EYA3: variants seen among roughly 807,000 people sequenced by gnomAD.
EYA3 encodes the protein protein phosphatase EYA3.
A neutral mutation model predicts 80.0 loss-of-function variants in EYA3; 39 were observed. The observed-to-expected ratio is 0.49, with a 90% CI of 0.38 to 0.64. The LOEUF is 0.64. Ranked by LOEUF, EYA3 falls within the 30% of genes least tolerant of loss-of-function variation. EYA3 has a pLI of 0.00. For missense variants in EYA3, 523 were observed against 676.1 expected (o/e 0.77, Z 2.51); for synonymous variants, 206 against 232.8 (o/e 0.88, Z 1.05).
intron 7 of EYA3, among the ~76,000 whole-genome samples, chr1:28,021,536 G>A (rs190169814): frequency 6.6e-6 from 1 of 151,778 alleles, no homozygotes; most frequent in Admixed American, 6.6e-5. Flanking sequence ...AGCAGGTGAT[G>A]GTCAATAAAT....
At position 28,035,569 on chromosome 1, in the gene EYA3, G is replaced by A. The variant is rs1471386108; in HGVS notation, c.336C>T (p.Thr112=). 1 of 1,614,006 alleles carries A rather than the reference G, an allele frequency of 6.2e-7. No individual in the cohort carries two copies. The highest frequency in any genetic ancestry group is 1.1e-5 in the South Asian group (1 of 91,068). Residue 112 remains threonine, a synonymous_variant, in exon 6 of 18, where the codon ACC becomes ACT. Coordinates refer to ENST00000373871, the MANE Select transcript of EYA3 (RefSeq NM_001990.4). The part of the protein sequence containing the change: ...TQPYAVYPQA[T]QTYGLPPFGA... ...CAAAAGGAGGTAGTCCATACGTTTG[G>A]GTTGCCTGAGGGTAGACAGCATAGG...
chr1:28,047,639 C>CT (rs370957666), intron 3 of EYA3, among the ~76,000 whole-genome samples: 27,031 of 133,178 alleles, frequency 0.2, 2,871 homozygotes, highest in East Asian at 0.23. Context: ...CCTCTTTTCT[C>CT]TTTTTTTTTT....
intron 17 of EYA3, among the ~76,000 whole-genome samples, chr1:27,975,661 A>G (rs1203524074): frequency 6.7e-6 from 1 of 149,384 alleles, no homozygotes; most frequent in Non-Finnish European, 1.5e-5. Flanking sequence ...AATTTTTTAC[A>G]TTTTTAGTAG....
chr1:28,017,098 G>C (rs548952687), intron 8 of EYA3, 56 bp downstream of exon 8: 12 of 1,464,372 alleles, frequency 8.2e-6, no homozygotes, highest in Non-Finnish European at 1.0e-5. Context: ...ATGGAAAGAA[G>C]AAAGAGCAAG....
At chr1:28,068,552 CTTT>C (rs935780983) in intron 1 of EYA3, among the ~76,000 whole-genome samples, 1 of 144,570 alleles carries the variant, frequency 6.9e-6, no homozygotes, top group African/African-American at 2.5e-5. Flanking sequence ...AATAACATTC[CTTT>C]TTTTTTTTTC....
chr1:28,085,804 G>A (rs1645631357), intron 1 of EYA3, among the ~76,000 whole-genome samples: 1 of 152,120 alleles, frequency 6.6e-6, no homozygotes, highest in Non-Finnish European at 1.5e-5. Flanking sequence ...TGGCAGCTAG[G>A]TGGAGGGTCA....
intron 1 of EYA3, among the ~76,000 whole-genome samples, chr1:28,073,672 G>A (rs973917811): frequency 1.3e-5 from 2 of 152,010 alleles, no homozygotes; most frequent in African/African-American, 4.8e-5. Flanking sequence ...CTGACCTCAG[G>A]TGATCCACCC....
chr1:27,974,469 G>A lies in EYA3; in HGVS notation c.1719C>T (p.Leu573=). The A allele has an allele frequency of 6.2e-7, 1 of 1,612,528 alleles. No individual in the cohort carries two copies. Among genetic ancestry groups the A allele is most frequent in the East Asian group, 2.2e-5 (1 of 44,872 alleles). Residue 573 remains leucine (L), a synonymous_variant, in exon 18 of 18, where the codon CTC becomes CTT. Coordinates refer to ENST00000373871, the MANE Select transcript of EYA3 (RefSeq NM_001990.4). ...GGAAGGCTCCTCATTCCAGTTCTTA[G>A]AGAAAATCAAGCTCTAAAGCCTGGT... ...SLHQALELDF[L]
intron 2 of EYA3, among the ~76,000 whole-genome samples, chr1:28,053,958 A>T (rs1644357985): frequency 6.6e-6 from 1 of 152,226 alleles, no homozygotes; most frequent in Admixed American, 6.5e-5. Context: ...AGTGCTAGGT[A>T]AATTGTAATC....
chr1:28,034,251 T>A (rs1029809277), intron 6 of EYA3, among the ~76,000 whole-genome samples: 31 of 152,074 alleles, frequency 2.0e-4, no homozygotes, highest in Non-Finnish European at 4.1e-4. Flanking sequence ...TCAACTGTTG[T>A]AAAGGGCTAA....
rs570546878 is a variant in EYA3 at position 28,033,700 on chromosome 1, G to A, written c.361+1844C>T. 1.2e-3 allele frequency among the ~76,000 whole-genome samples: 179 copies of A among 149,852 alleles called. 5 individuals are homozygous for A. The highest frequency in any genetic ancestry group is 4.2e-4 in the South Asian group (2 of 4,754). On this transcript the variant is annotated intron_variant, in intron 6 of 17. Coordinates refer to ENST00000373871, the MANE Select transcript of EYA3 (RefSeq NM_001990.4). ...GAGACAGTCTTGCTCTGTCGCCCAG[G>A]CTGGAGTGCAGTGGCACCATCTCGG...
chr1:28,035,999 G>A (rs1228206183), intron 5 of EYA3, among the ~76,000 whole-genome samples: 1 of 152,058 alleles, frequency 6.6e-6, no homozygotes, highest in East Asian at 1.9e-4. Flanking sequence ...ATTTTTAGTA[G>A]AGACGGTGTT....
rs115294653 is a variant in EYA3 at position 28,086,787 on chromosome 1, G to A, written c.-69+1737C>T. On this transcript the variant is annotated intron_variant, in intron 1 of 17. Coordinates refer to ENST00000373871, the MANE Select transcript of EYA3 (RefSeq NM_001990.4). ...TGGACAGAAGCTAGAGCTAGGTAGT[G>A]GGGAGGAGGTACACATAAGAAACTT... is the stretch of plus-strand genomic sequence containing the variant. 6.4e-3 allele frequency among the ~76,000 whole-genome samples: 982 copies of A among 152,258 alleles called. 3 individuals carry two copies. The highest frequency in any genetic ancestry group is 0.011 in the Non-Finnish European group (719 of 68,008).
chr1:28,025,778 G>A (rs1338019816), intron 7 of EYA3, among the ~76,000 whole-genome samples: 2 of 151,894 alleles, frequency 1.3e-5, no homozygotes, highest in African/African-American at 2.4e-5. Flanking sequence ...TTATTTTTTT[G>A]AGACAGAGTC....
chr1:27,997,363 G>A lies in EYA3; in HGVS notation c.1099C>T (p.His367Tyr). The A allele has an allele frequency of 6.2e-7, 1 of 1,614,012 alleles. No individual in the cohort carries two copies. Among genetic ancestry groups the A allele is most frequent in the Non-Finnish European group, 8.5e-7 (1 of 1,179,930 alleles). ...FNDLEECDQV[H>Y]VEDVASDDNG... Reference sequence around the variant, plus strand: ...TCATCAGAAGCCACATCTTCCACATGTACCTGGTCACACTCCTGTTAAAAG... The same window carrying A: ...TCATCAGAAGCCACATCTTCCACATATACCTGGTCACACTCCTGTTAAAAG... Residue 367 changes from histidine (H) to tyrosine (Y), a missense_variant, in exon 13 of 18, where the codon CAT (histidine) becomes TAT (tyrosine). Around this residue, in one of 2 missense-constraint regions of EYA3, gnomAD observed 219 missense variants for 332.8 expected, o/e 0.66. Coordinates refer to ENST00000373871, the MANE Select transcript of EYA3 (RefSeq NM_001990.4).
chr1:28,082,127 A>G (rs1354820803), intron 1 of EYA3, among the ~76,000 whole-genome samples: 1 of 152,190 alleles, frequency 6.6e-6, no homozygotes. Flanking sequence ...ATAAAAAAAC[A>G]GTATACTTAA....
At chr1:28,000,241 T>C (rs1640732490) in intron 11 of EYA3, among the ~76,000 whole-genome samples, 192 bp from the exon 12 acceptor site, 1 of 152,226 alleles carries the variant, frequency 6.6e-6, no homozygotes, top group African/African-American at 2.4e-5. Context: ...TATGGACAGT[T>C]AAAAATTTCA....
intron 16 of EYA3, among the ~76,000 whole-genome samples, chr1:27,987,084 G>A (rs1016377089): frequency 4.6e-5 from 7 of 152,054 alleles, no homozygotes; most frequent in African/African-American, 1.7e-4. Flanking sequence ...TTGCATGACC[G>A]CAACTCTATA....
chr1:28,038,576 TCACTAA>T (rs1260103408), intron 5 of EYA3, among the ~76,000 whole-genome samples: 1 of 151,962 alleles, frequency 6.6e-6, no homozygotes, highest in Non-Finnish European at 1.5e-5. Context: ...ATATGGTTGA[TCACTAA>T]CACTATTTTG....
Sources: allele counts gnomAD v4.1 joint callset (sites outside exome capture counted in the v4.1 genomes callset), GRCh38; gene constraint gnomAD v4.1.1; regional missense constraint gnomAD v4.1.1; transcripts MANE v1.5; gene names NCBI Gene and HGNC (gene_info 2026-07-23, HGNC 2026-07-21).